The following TASOR2 variants were observed in gnomAD, a reference collection of about 807,000 sequenced individuals.
TASOR2 encodes transcription activation suppressor family member 2.
TASOR2 carries 84 observed loss-of-function variants against 199.5 expected under a neutral mutation model. The observed-to-expected ratio is 0.42, with a 90% CI of 0.35 to 0.50. The LOEUF is 0.50. Ranked by LOEUF, TASOR2 falls within the 20% of genes least tolerant of loss-of-function variation. The probability of loss-of-function intolerance (pLI) is 0.02; values close to 1 mark genes in which losing one functional copy is unlikely to be tolerated. For missense variants in TASOR2, 2,796 were observed against 2,835.9 expected (o/e 0.99, Z 0.32); for synonymous variants, 1,103 against 1,046.6 (o/e 1.05, Z -1.04).
chr10:5,723,036 G>A (rs1588724491), intron 6 of TASOR2, among the ~76,000 whole-genome samples: 4 of 127,298 alleles, frequency 3.1e-5, no homozygotes, highest in East Asian at 2.7e-4. Context: ...AAGTAGTCAG[G>A]AAATAACTTT....
In TASOR2 at chr10:5,722,932, C is replaced by T. The variant is rs1490866748; in HGVS notation, c.147-745C>T. On this transcript the variant is annotated intron_variant, in intron 6 of 20. Coordinates refer to ENST00000328090, the Ensembl canonical transcript of TASOR2. The surrounding 1 kb of genome is among the most constrained non-coding windows in gnomAD (Gnocchi z 4.0). ...CTGAGGCAGGGTAATCACTTGAACC[C>T]GGGAGTCAGAGGTTGCAGTGAGCTG... 2.7e-5 allele frequency among the ~76,000 whole-genome samples: 4 copies of T among 149,466 alleles called. No homozygotes were observed. Among genetic ancestry groups the T allele is most frequent in the South Asian group, 2.1e-4 (1 of 4,690 alleles).
Position 5,720,783 on chromosome 10 carries a change from T to C in TASOR2, c.46+9T>C, listed in dbSNP as rs746980467. 5 of 1,610,658 alleles carry C rather than the reference T, an allele frequency of 3.1e-6. No homozygotes were observed. The South Asian group carries it at 3.3e-5, about 11-fold the overall frequency. ...TGAACGCAGTGAAAATGGTAAGAAA[T>C]AGTTCATTGATTCTTTTAGGTTTTT... On this transcript the variant is annotated intron_variant, in intron 5 of 20. Transcript: ENST00000328090. The surrounding 1 kb of genome is among the most constrained non-coding windows in gnomAD (Gnocchi z 5.3).
chr10:5,756,327 A>G (rs943509207), intron 15 of TASOR2, among the ~76,000 whole-genome samples: 1 of 152,228 alleles, frequency 6.6e-6, no homozygotes, highest in African/African-American at 2.4e-5. Context: ...AAGGTAGCTC[A>G]TGCCTTGAAG....
At chr10:5,729,223 C>T (rs1834467025) in intron 10 of TASOR2, among the ~76,000 whole-genome samples, 1 of 152,160 alleles carries the variant, frequency 6.6e-6, no homozygotes, top group Non-Finnish European at 1.5e-5. Flanking sequence ...GTGGCACATG[C>T]ATATAATTCC....
At chr10:5,761,535 T>C in intron 19 of TASOR2, 64 bp downstream of exon 20, 5 of 1,415,414 alleles carry the variant, frequency 3.5e-6, no homozygotes, top group Non-Finnish European at 4.9e-6. Flanking sequence ...AATGTCAAAG[T>C]TAGATACCTG....
intron 8 of TASOR2, among the ~76,000 whole-genome samples, chr10:5,726,530 G>T (rs2386620): frequency 0.89 from 135,115 of 152,282 alleles, 60,015 homozygotes; most frequent in African/African-American, 0.92. Context: ...TTGATTCATC[G>T]TGAGTTTATA....
In TASOR2 at chr10:5,759,235, T is replaced by TCCA. The variant is rs1437866491; in HGVS notation, c.6992+244_6992+246dup. Among the ~76,000 whole-genome samples the TCCA allele has an allele frequency of 5.3e-5, 8 of 152,298 alleles. No homozygotes were observed. The Middle Eastern group carries it at 0.01, about 194-fold the overall frequency. ...AGTCAAACTTAGCAGTCATGAAATG[T>TCCA]CCATATTCTATTTAAGCCCTACTAC... On this transcript the variant is annotated intron_variant, in intron 18 of 20. Transcript: ENST00000328090.
At position 5,762,481 on chromosome 10, in the gene TASOR2, A is replaced by G. The variant is rs533459027; in HGVS notation, c.7175-51A>G. 3.9e-4 allele frequency: 188 copies of G among 486,530 alleles called. 1 individual carries two copies. Among genetic ancestry groups the G allele is most frequent in the African/African-American group, 3.5e-3 (165 of 47,476 alleles). The allele number at this position is 486,530 out of a possible 1,614,324, so 30.1% of individuals were successfully genotyped here. ...ATAAAAAACCAGGTCCTGTTATATA[A>G]AAGTACATTAATTATATTAACCAAA... On this transcript the variant is annotated intron_variant, in intron 19 of 20. Coordinates refer to ENST00000328090, the Ensembl canonical transcript of TASOR2.
chr10:5,714,493 G>A (rs1330344424), intron 2 of TASOR2: 3 of 252,608 alleles, frequency 1.2e-5, no homozygotes, highest in Non-Finnish European at 2.2e-5. Context: ...TGGCAACTAT[G>A]GAATGTGAGG....
chr10:5,694,699 A>G (rs981967917), intron 1 of TASOR2, among the ~76,000 whole-genome samples: 2 of 152,236 alleles, frequency 1.3e-5, no homozygotes, highest in Non-Finnish European at 2.9e-5. Flanking sequence ...AAAAAATAGC[A>G]TGCATAAATG....
In TASOR2 at chr10:5,761,701, C is replaced by A. The variant is rs1839863150; in HGVS notation, c.7174+230C>A. 5 of 515,644 alleles carry A rather than the reference C, an allele frequency of 9.7e-6. No homozygotes were observed. The South Asian group carries it at 1.3e-4, about 13-fold the overall frequency. The allele number at this position is 515,644 out of a possible 1,614,324, so 31.9% of individuals were successfully genotyped here. On this transcript the variant is annotated intron_variant, in intron 19 of 20. Transcript: ENST00000328090. ...AGTCAGTTCTAGATTACTTATAATA[C>A]TCAATACAGTATAAGTAGTTATACC...
At chr10:5,692,328 C>T (rs1444109645) in intron 1 of TASOR2, among the ~76,000 whole-genome samples, 4 of 152,074 alleles carry the variant, frequency 2.6e-5, no homozygotes, top group African/African-American at 9.7e-5. Flanking sequence ...GTGAAAAGAA[C>T]GTGTATTTTA....
rs1833205400 is a variant in TASOR2, at chr10:5,720,424, C to G, written c.-99-120C>G. 1 of 1,408,308 alleles carries G rather than the reference C, an allele frequency of 7.1e-7. No individual in the cohort carries two copies. The highest frequency in any genetic ancestry group is 2.5e-5 in the East Asian group (1 of 39,432). The allele number at this position is 1,408,308 out of a possible 1,614,324, so 87.2% of individuals were successfully genotyped here. A position where few individuals can be genotyped will look rare whatever the true frequency, so the allele number is the denominator to read the frequency against. ...TATAGTTACCTGTGAATGAGTAACA[C>G]CCAAGATATATTTCTGACTCTAATG... On this transcript the variant is annotated intron_variant, in intron 3 of 20. Coordinates refer to ENST00000328090, the Ensembl canonical transcript of TASOR2. The surrounding 1 kb of genome is among the most constrained non-coding windows in gnomAD (Gnocchi z 5.3).
chr10:5,691,184 C>T (rs1255391905), intron 1 of TASOR2, among the ~76,000 whole-genome samples: 13 of 135,072 alleles, frequency 9.6e-5, no homozygotes, highest in African/African-American at 1.3e-4. Context: ...AGTGAGACTC[C>T]GTCTCAAAAA....
chr10:5,747,993 G>A (rs1191624763), exon 15 of TASOR2: 1 of 1,608,720 alleles, frequency 6.2e-7, no homozygotes, highest in East Asian at 2.3e-5. Context: ...ATGGTAGGGA[G>A]TTAAACCAGC....
rs1835936012 is a variant in TASOR2, at chr10:5,687,558, G to A, written c.-288+2383G>A. Among the ~76,000 whole-genome samples, 1 of 152,220 alleles carries A rather than the reference G, an allele frequency of 6.6e-6. No homozygotes were observed. The highest frequency in any genetic ancestry group is 1.5e-5 in the Non-Finnish European group (1 of 68,038). On this transcript the variant is annotated intron_variant, in intron 1 of 20. Transcript: ENST00000328090. The surrounding 1 kb of genome is among the most constrained non-coding windows in gnomAD (Gnocchi z 4.8). Reference sequence around the variant, plus strand: ...GAGGGGGCCAGGTACGGTGGCCCACGCCTGTAATCCCAGCACTTTGGGAGG... The same window carrying A: ...GAGGGGGCCAGGTACGGTGGCCCACACCTGTAATCCCAGCACTTTGGGAGG...
rs755383545 is a variant in TASOR2, at chr10:5,730,995, AAAG to A, written c.1001_1003del (p.Lys334del). The A allele has an allele frequency of 1.2e-6, 2 of 1,614,146 alleles. No individual in the cohort carries two copies. The highest frequency in any genetic ancestry group is 1.7e-6 in the Non-Finnish European group (2 of 1,180,020). On this transcript the variant is annotated inframe_deletion, in exon 11 of 21. Transcript: ENST00000328090. The surrounding 1 kb of genome is among the most constrained non-coding windows in gnomAD (Gnocchi z 4.1). ...AGGATTCTGAAGAAATGTTGAAAGC[AAAG>A]AAGAGAGTTTTTCCATTGAGTCCAG...
chr10:5,724,580 T>C (rs1833786335), intron 8 of TASOR2, 47 bp downstream of exon 9: 2 of 616,532 alleles, frequency 3.2e-6, no homozygotes, highest in Non-Finnish European at 4.7e-6. Context: ...TTTCTTTAAT[T>C]GATATATATT....
At chr10:5,734,683 T>C (rs992208491) in intron 11 of TASOR2, among the ~76,000 whole-genome samples, 9 of 151,826 alleles carry the variant, frequency 5.9e-5, no homozygotes, top group African/African-American at 1.9e-4. Flanking sequence ...TATTCAGTCT[T>C]ACCTGTCACA....
Sources: gnomAD v4.1 joint callset for allele counts (sites outside exome capture counted in the v4.1 genomes callset) on GRCh38, gnomAD v4.1.1 for gene constraint, Gnocchi (gnomAD v3.1) non-coding constraint, MANE v1.5 for transcripts, NCBI Gene and HGNC (gene_info 2026-07-23, HGNC 2026-07-21) for gene names.